Variants in RTN1 observed in about 807,000 individuals in gnomAD.
RTN1 encodes reticulon 1.
RTN1 carries 25 observed loss-of-function variants against 65.5 expected under a neutral mutation model. The ratio of observed to expected loss-of-function variants is 0.38; its 90% CI spans 0.28 to 0.53. The LOEUF (loss-of-function observed/expected upper bound fraction) is 0.53. Ranked by LOEUF, RTN1 falls within the 20% of genes least tolerant of loss-of-function variation. RTN1 has a pLI of 0.79. For missense variants in RTN1, 983 were observed against 1,025.4 expected (o/e 0.96, Z 0.57); for synonymous variants, 471 against 447.6 (o/e 1.05, Z -0.66).
intron 1 of RTN1, among the ~76,000 whole-genome samples, chr14:59,837,426 A>G (rs2139648267): frequency 6.6e-6 from 1 of 152,224 alleles, no homozygotes; most frequent in African/African-American, 2.4e-5. Context: ...AGAAACAGAA[A>G]GGAAATCAAT....
In RTN1 at chr14:59,727,363, GCGGGCCGCC is replaced by G. The variant is rs761376546; in HGVS notation, c.1312_1320del (p.Gly438_Pro440del). 7.3e-6 allele frequency: 11 copies of G among 1,512,416 alleles called. No homozygotes were observed. The highest frequency in any genetic ancestry group is 4.1e-5 in the Admixed American group (2 of 48,240). 93.7% of individuals were successfully genotyped at this position (1,512,416 alleles called of 1,614,324 possible). A position where few individuals can be genotyped will look rare whatever the true frequency, so the allele number is the denominator to read the frequency against. On this transcript the variant is annotated inframe_deletion, in exon 3 of 9. Transcript: ENST00000267484. This position sits in a 1 kb window ranked among gnomAD's most constrained non-coding sequence, Gnocchi z 4.2. ...ATGGATGGCGAGGCGGGCGAGGGCG[GCGGGCCGCC>G]CACGTGGCCAAAGCTCACATAGCCT...
chr14:59,850,071 TCTC>T (rs538124390), intron 1 of RTN1, among the ~76,000 whole-genome samples: 137 of 152,248 alleles, frequency 9.0e-4, no homozygotes, highest in African/African-American at 3.2e-3. Flanking sequence ...TGGTGTCTCT[TCTC>T]CTGTCTCTTC....
intron 1 of RTN1, among the ~76,000 whole-genome samples, chr14:59,750,212 A>ATATATTATATCTATAATATGT (rs1566713339): frequency 1.0e-4 from 3 of 28,818 alleles, no homozygotes; most frequent in East Asian, 9.7e-4. Context: ...AATATATAAT[A>ATATATTATATCTATAATATGT]TATATATTAT....
intron 3 of RTN1, among the ~76,000 whole-genome samples, chr14:59,615,141 T>C (rs1028200277): frequency 2.0e-5 from 3 of 152,194 alleles, no homozygotes; most frequent in Non-Finnish European, 4.4e-5. Flanking sequence ...TATTTAGCTT[T>C]TTTCCTTAGG....
chr14:59,808,623 ATC>A (rs1371250892), intron 1 of RTN1, among the ~76,000 whole-genome samples: 1 of 152,106 alleles, frequency 6.6e-6, no homozygotes, highest in Non-Finnish European at 1.5e-5. Context: ...CTGTATATGG[ATC>A]TGTGTCCCCA....
chr14:59,652,095 T>C (rs1316025046), intron 3 of RTN1, among the ~76,000 whole-genome samples: 1 of 151,936 alleles, frequency 6.6e-6, no homozygotes, highest in Non-Finnish European at 1.5e-5. Flanking sequence ...ACATCACTGA[T>C]CACTAGAGAA....
intron 1 of RTN1, among the ~76,000 whole-genome samples, chr14:59,807,133 T>G (rs929431675): frequency 6.6e-6 from 1 of 152,176 alleles, no homozygotes; most frequent in Non-Finnish European, 1.5e-5. Flanking sequence ...TGAAGAAAGG[T>G]GTCAGTATGA....
chr14:59,606,496 C>T (rs553852266), intron 4 of RTN1, among the ~76,000 whole-genome samples: 1 of 152,216 alleles, frequency 6.6e-6, no homozygotes, highest in South Asian at 2.1e-4. Context: ...CTTGTTCACT[C>T]CGTCCCACAG....
chr14:59,618,028 G>A (rs767787217), intron 3 of RTN1, among the ~76,000 whole-genome samples: 3 of 152,088 alleles, frequency 2.0e-5, no homozygotes, highest in Non-Finnish European at 2.9e-5. Context: ...GACCGAGACA[G>A]CGAAAGAGAT....
intron 2 of RTN1, among the ~76,000 whole-genome samples, chr14:59,734,190 C>A (rs1157809150): frequency 6.6e-6 from 1 of 152,112 alleles, no homozygotes; most frequent in Non-Finnish European, 1.5e-5. Context: ...CAAAAAACAA[C>A]AACAAAAACA....
At chr14:59,627,408 T>A (rs1264374805) in intron 3 of RTN1, among the ~76,000 whole-genome samples, 1 of 152,180 alleles carries the variant, frequency 6.6e-6, no homozygotes, top group Admixed American at 6.5e-5. Flanking sequence ...ATGAGGACAA[T>A]AATAAAACTT....
intron 1 of RTN1, among the ~76,000 whole-genome samples, chr14:59,750,720 T>G (rs1160414496): frequency 1.1e-5 from 1 of 93,708 alleles, no homozygotes; most frequent in Non-Finnish European, 2.0e-5. Flanking sequence ...TGTCTTTTTT[T>G]TTTTTTTTTT....
At chr14:59,742,172 C>A (rs1248605392) in intron 2 of RTN1, among the ~76,000 whole-genome samples, 1 of 152,156 alleles carries the variant, frequency 6.6e-6, no homozygotes, top group Non-Finnish European at 1.5e-5. Flanking sequence ...AAGGAAATAG[C>A]AATGGTAGTT....
intron 2 of RTN1, among the ~76,000 whole-genome samples, chr14:59,740,181 C>A (rs1002227719): frequency 1.6e-5 from 2 of 121,602 alleles, no homozygotes; most frequent in African/African-American, 6.0e-5. Flanking sequence ...TGTTCATTAT[C>A]ATATCCTTGC....
chr14:59,735,264 T>C (rs1376247635), intron 2 of RTN1, among the ~76,000 whole-genome samples: 1 of 152,096 alleles, frequency 6.6e-6, no homozygotes, highest in Non-Finnish European at 1.5e-5. Context: ...GAAAAACCAT[T>C]ACCAGCCACT....
At chr14:59,759,929 C>A (rs1199734245) in intron 1 of RTN1, among the ~76,000 whole-genome samples, 1 of 152,158 alleles carries the variant, frequency 6.6e-6, no homozygotes, top group Non-Finnish European at 1.5e-5. Flanking sequence ...TACGCCATAA[C>A]CCCAATGGGA....
chr14:59,731,286 T>A (rs1308276486), intron 2 of RTN1, among the ~76,000 whole-genome samples: 1 of 152,212 alleles, frequency 6.6e-6, no homozygotes, highest in Admixed American at 6.5e-5. Context: ...ATATGAAATG[T>A]CCAGAATAAG....
chr14:59,741,101 C>T (rs977188191), intron 2 of RTN1, among the ~76,000 whole-genome samples: 3 of 152,208 alleles, frequency 2.0e-5, no homozygotes, highest in Non-Finnish European at 2.9e-5. Flanking sequence ...GCTCATTCTC[C>T]ATGCAGCATC....
chr14:59,669,218 A>G (rs1159396171), intron 3 of RTN1, among the ~76,000 whole-genome samples: 1 of 152,230 alleles, frequency 6.6e-6, no homozygotes, highest in Non-Finnish European at 1.5e-5. Flanking sequence ...ATGTCCATCA[A>G]TGATAGACTG....
Sources: allele counts gnomAD v4.1 joint callset (sites outside exome capture counted in the v4.1 genomes callset), GRCh38; gene constraint gnomAD v4.1.1; non-coding constraint Gnocchi (gnomAD v3.1); transcripts MANE v1.5; gene names NCBI Gene and HGNC (gene_info 2026-07-23, HGNC 2026-07-21).